The following TSHZ1 variants were observed in gnomAD, a reference collection of about 807,000 sequenced individuals.
The protein encoded by TSHZ1 is teashirt zinc finger homeobox 1, also known as teashirt homolog 1.
Under a neutral mutation model 67.1 loss-of-function variants are expected in TSHZ1, and 12 were observed. The ratio of observed to expected loss-of-function variants is 0.18; its 90% CI spans 0.11 to 0.29. The LOEUF (loss-of-function observed/expected upper bound fraction) is 0.29. TSHZ1 is among the 10% of genes least tolerant of loss of function. The pLI is 1.00. For synonymous variants in TSHZ1, 632 were observed against 622.4 expected (o/e 1.02, Z -0.23); for missense variants, 1,305 against 1,413.9 (o/e 0.92, Z 1.23).
In TSHZ1 at chr18:75,287,025, G is replaced by T; in HGVS notation, c.1618G>T (p.Asp540Tyr). The T allele has an allele frequency of 1.2e-6, 2 of 1,614,012 alleles. No homozygotes were observed. The highest frequency in any genetic ancestry group is 1.7e-6 in the Non-Finnish European group (2 of 1,180,004). ...STLYPYLREE[D>Y]LDDSPKGGLD... ...CCTGTACCCGTACCTGCGTGAGGAG[G>T]ACCTGGACGACAGCCCCAAGGGAGG... Residue 540 changes from aspartate (D) to tyrosine (Y), a missense_variant, in exon 2 of 2, where the codon GAC (aspartate) becomes TAC (tyrosine). Asp to Tyr is a radical substitution (Grantham distance 160). Coordinates refer to ENST00000580243, the MANE Select transcript of TSHZ1 (RefSeq NM_001308210.2). The surrounding 1 kb of genome is among the most constrained non-coding windows in gnomAD (Gnocchi z 5.0).
At chr18:75,271,180 G>A (rs1356738157) in intron 1 of TSHZ1, among the ~76,000 whole-genome samples, 1 of 152,138 alleles carries the variant, frequency 6.6e-6, no homozygotes, top group Non-Finnish European at 1.5e-5. Flanking sequence ...ACAGGCAGCC[G>A]ATCAGAAGAA....
rs562982128 is a variant in TSHZ1, at chr18:75,215,640, C to T, written c.40+3724C>T. The stretch of plus-strand genomic sequence containing the variant: ...AGGCTAAATGATGAACTTCCAACTG[C>T]AATATCATTGCAAAATATTAAATGA... On this transcript the variant is annotated intron_variant, in intron 1 of 1. Transcript: ENST00000580243. Among the ~76,000 whole-genome samples, 6 of 152,292 alleles carry T rather than the reference C, an allele frequency of 3.9e-5. No homozygotes were observed. The South Asian group carries it at 1.2e-3, about 32-fold the overall frequency.
chr18:75,229,442 T>A lies in TSHZ1; in HGVS notation c.40+17526T>A, dbSNP rs956309768. 4.6e-5 allele frequency among the ~76,000 whole-genome samples: 7 copies of A among 152,374 alleles called. No individual in the cohort carries two copies. The South Asian group carries it at 1.4e-3, about 32-fold the overall frequency. ...ATGCAGGGGGACCCATCGGAGCACCTGTCTCTGTCTATGTGATTGCTCACT... is the reference window on the plus strand; with the variant it reads ...ATGCAGGGGGACCCATCGGAGCACCAGTCTCTGTCTATGTGATTGCTCACT... On this transcript the variant is annotated intron_variant, in intron 1 of 1. Coordinates refer to ENST00000580243, the MANE Select transcript of TSHZ1 (RefSeq NM_001308210.2).
chr18:75,285,884 AC>A lies in TSHZ1; in HGVS notation c.483del (p.Thr162ProfsTer100). On this transcript the variant is annotated frameshift_variant, in exon 2 of 2. Coordinates refer to ENST00000580243, the MANE Select transcript of TSHZ1 (RefSeq NM_001308210.2). LOFTEE classifies it high-confidence loss of function. ...QKESSAPTPT[P>X]PTCPVSTTGP... is the part of the protein sequence containing the mutation. ...AGGAGAGCTCCGCCCCCACCCCCACACCCCCCACCTGCCCCGTCAGCACCAC... is the reference window on the plus strand; with the variant it reads ...AGGAGAGCTCCGCCCCCACCCCCACACCCCCACCTGCCCCGTCAGCACCAC... 3.1e-6 allele frequency: 2 copies of A among 649,438 alleles called. No individual in the cohort carries two copies. Among genetic ancestry groups the A allele is most frequent in the Non-Finnish European group, 2.0e-6 (1 of 490,452 alleles). The allele number at this position is 649,438 out of a possible 1,614,324, so 40.2% of individuals were successfully genotyped here.
chr18:75,288,979 G>A lies in TSHZ1; in HGVS notation c.*338G>A, dbSNP rs2023825629. The A allele has an allele frequency of 1.0e-5, 2 of 195,380 alleles. No individual in the cohort carries two copies. The highest frequency in any genetic ancestry group is 5.9e-5 in the Admixed American group (1 of 17,006). The allele number at this position is 195,380 out of a possible 1,614,324, so 12.1% of individuals were successfully genotyped here. On this transcript the variant is annotated 3_prime_UTR_variant, in exon 2 of 2. Transcript: ENST00000580243. This position sits in a 1 kb window ranked among gnomAD's most constrained non-coding sequence, Gnocchi z 4.9. Reference sequence around the variant, plus strand: ...AATGATAAAAAGACATCCTAAAATGGTGAAGTTGCCATGACAATAAAGGTC... The same window carrying A: ...AATGATAAAAAGACATCCTAAAATGATGAAGTTGCCATGACAATAAAGGTC...
At position 75,211,893 on chromosome 18, in the gene TSHZ1, A is replaced by G. The variant is rs1014206864; in HGVS notation, c.17A>G (p.Gln6Arg). ...CCGAGCAGCATGCCGAGGAGGAAGC[A>G]GCAGGCCCCCCGGCGCTCGGCAGGT... The part of the protein sequence containing the change: MPRRK[Q>R]QAPRRSAAYV... Residue 6 changes from glutamine (Q) to arginine (R), a missense_variant, in exon 1 of 2, where the codon CAG becomes CGG. This residue lies in a region of TSHZ1 where 358 missense variants were observed against 375.6 expected (regional missense o/e 0.95). Transcript: ENST00000580243. 1 of 1,198,490 alleles carries G rather than the reference A, an allele frequency of 8.3e-7. No individual in the cohort carries two copies. Among genetic ancestry groups the G allele is most frequent in the Non-Finnish European group, 1.0e-6 (1 of 966,802 alleles). 74.2% of individuals were successfully genotyped at this position (1,198,490 alleles called of 1,614,324 possible).
intron 1 of TSHZ1, among the ~76,000 whole-genome samples, chr18:75,264,345 C>T (rs1263866185): frequency 1.3e-5 from 2 of 152,184 alleles, no homozygotes; most frequent in Non-Finnish European, 2.9e-5. Flanking sequence ...CAGAAGCTTT[C>T]AGCTGGCTTC....
rs531015717 is a variant in TSHZ1, at chr18:75,221,984, T to C, written c.40+10068T>C. Among the ~76,000 whole-genome samples the C allele has an allele frequency of 2.0e-5, 3 of 152,296 alleles. No homozygotes were observed. The South Asian group carries it at 6.2e-4, about 32-fold the overall frequency. ...AAATTGAGGGAAGCTGCTATAACTC[T>C]AGAAAGTAATGGGAAATAAATATTC... On this transcript the variant is annotated intron_variant, in intron 1 of 1. Transcript: ENST00000580243.
At chr18:75,282,504 T>C (rs542001049) in intron 1 of TSHZ1, among the ~76,000 whole-genome samples, 1 of 152,352 alleles carries the variant, frequency 6.6e-6, no homozygotes, top group Admixed American at 6.5e-5. Context: ...ACTCCCATTG[T>C]GGCTGTATTT....
intron 1 of TSHZ1, among the ~76,000 whole-genome samples, chr18:75,276,979 G>A (rs914088055): frequency 2.0e-5 from 3 of 152,164 alleles, no homozygotes; most frequent in Middle Eastern, 3.2e-3. Flanking sequence ...CACCTCCTCC[G>A]TCAGGCCTCC....
chr18:75,265,860 T>C (rs1464876472), intron 1 of TSHZ1, among the ~76,000 whole-genome samples: 1 of 152,200 alleles, frequency 6.6e-6, no homozygotes, highest in Non-Finnish European at 1.5e-5. Flanking sequence ...AATAAAGTAC[T>C]TATATTTACT....
intron 1 of TSHZ1, among the ~76,000 whole-genome samples, chr18:75,267,665 A>G (rs1029875016): frequency 6.6e-6 from 1 of 152,258 alleles, no homozygotes; most frequent in Non-Finnish European, 1.5e-5. Context: ...GATGCTGGGT[A>G]TAAGAAATGC....
At chr18:75,273,248 T>C (rs973337966) in intron 1 of TSHZ1, among the ~76,000 whole-genome samples, 4 of 152,208 alleles carry the variant, frequency 2.6e-5, no homozygotes, top group Non-Finnish European at 2.9e-5. Flanking sequence ...TCGCCTCTTA[T>C]GGAATATAAA....
At chr18:75,237,791 C>CATTTATTT (rs1555726446) in intron 1 of TSHZ1, among the ~76,000 whole-genome samples, 3,642 of 143,472 alleles carry the variant, frequency 0.025, 52 homozygotes, top group South Asian at 0.039. Flanking sequence ...TTCTTTCTTT[C>CATTTATTT]ATTTATTTAT....
chr18:75,267,167 G>T (rs1345765712), intron 1 of TSHZ1, among the ~76,000 whole-genome samples: 1 of 152,132 alleles, frequency 6.6e-6, no homozygotes, highest in Non-Finnish European at 1.5e-5. Flanking sequence ...ACTAAAATGT[G>T]TCCTCTGGGG....
chr18:75,286,964 G>C lies in TSHZ1; in HGVS notation c.1557G>C (p.Glu519Asp). ...GCGACGCGGAGAAGATCAAGGAGGA[G>C]AGTGAGGACAGCTTGGAGAAATTTG... Reference protein sequence around the residue: ...VAGDAEKIKEESEDSLEKFEP... With the variant: ...VAGDAEKIKEDSEDSLEKFEP... The change falls in exon 2 of 2, where the codon GAG becomes GAC. Residue 519 changes from glutamate to aspartate, a missense_variant. By Grantham distance (45) the Glu-to-Asp change is conservative. Transcript: ENST00000580243. The surrounding 1 kb of genome is among the most constrained non-coding windows in gnomAD (Gnocchi z 5.1). The C allele has an allele frequency of 1.2e-6, 2 of 1,614,156 alleles. No homozygotes were observed. Among genetic ancestry groups the C allele is most frequent in the African/African-American group, 2.7e-5 (2 of 75,080 alleles).
At position 75,288,278 on chromosome 18, in the gene TSHZ1, G is replaced by A. The variant is rs377168829; in HGVS notation, c.2871G>A (p.Thr957=). The change falls in exon 2 of 2, where the codon ACG becomes ACA. Residue 957 remains threonine, a synonymous_variant. Transcript: ENST00000580243. The surrounding 1 kb of genome is among the most constrained non-coding windows in gnomAD (Gnocchi z 4.9). ...ACCAGTTGAGGAGGACAGGGGGAAC[G>A]AAATTCCTAAAGAACCTGGACACAG... ...VKYQLRRTGG[T]KFLKNLDTGH... 1.0e-4 allele frequency: 161 copies of A among 1,614,064 alleles called. No individual in the cohort carries two copies. The highest frequency in any genetic ancestry group is 1.3e-4 in the Non-Finnish European group (148 of 1,180,042).
chr18:75,279,870 G>A (rs1329876882), intron 1 of TSHZ1, among the ~76,000 whole-genome samples: 1 of 152,216 alleles, frequency 6.6e-6, no homozygotes, highest in Non-Finnish European at 1.5e-5. Flanking sequence ...TTCCGTGAAA[G>A]TTTGCTTCTA....
chr18:75,286,683 G>A lies in TSHZ1; in HGVS notation c.1276G>A (p.Asp426Asn), dbSNP rs1025783310. Residue 426 changes from aspartate (D) to asparagine (N), a missense_variant, in exon 2 of 2, where the codon GAC (aspartate) becomes AAC (asparagine). Asp to Asn is a conservative substitution (Grantham distance 23, BLOSUM62 1). Transcript: ENST00000580243. This position sits in a 1 kb window ranked among gnomAD's most constrained non-coding sequence, Gnocchi z 5.1. ...GTGCATGGAGTGTGGCAGCTCCCACGACACGCTGCAGCAGCTCACCGCCCA... is the reference window on the plus strand; with the variant it reads ...GTGCATGGAGTGTGGCAGCTCCCACAACACGCTGCAGCAGCTCACCGCCCA... The part of the protein sequence containing the change: ...LKCMECGSSH[D>N]TLQQLTAHMM... 7.4e-6 allele frequency: 12 copies of A among 1,614,110 alleles called. No homozygotes were observed. The highest frequency in any genetic ancestry group is 1.7e-5 in the Admixed American group (1 of 60,022).
Sources: gnomAD v4.1 joint callset for allele counts (sites outside exome capture counted in the v4.1 genomes callset) on GRCh38, gnomAD v4.1.1 for gene constraint, gnomAD v4.1.1 regional missense constraint, Gnocchi (gnomAD v3.1) non-coding constraint, MANE v1.5 for transcripts, NCBI Gene and HGNC (gene_info 2026-07-23, HGNC 2026-07-21) for gene names.